AGMO: variants seen among roughly 807,000 people sequenced by gnomAD.
The protein encoded by AGMO is alkylglycerol monooxygenase.
Under a neutral mutation model 60.2 loss-of-function variants are expected in AGMO, and 75 were observed. The ratio of observed to expected loss-of-function variants is 1.25; its 90% CI spans 1.03 to 1.51. The LOEUF is 1.51. AGMO is among the 40% of genes most tolerant of loss of function. The pLI is 0.00. For synonymous variants in AGMO, 261 were observed against 177.1 expected, an observed-to-expected ratio of 1.47 and a Z score of -3.76; for missense variants, 763 against 525.5, an observed-to-expected ratio of 1.45 and a Z score of -4.42.
intron 3 of AGMO, among the ~76,000 whole-genome samples, chr7:15,440,173 A>T (rs972339253): frequency 2.0e-5 from 3 of 152,172 alleles, no homozygotes; most frequent in Non-Finnish European, 1.5e-5. Context: ...CTTATGTCCA[A>T]TAAGTACCAG....
chr7:15,345,297 G>A (rs1291245444), intron 12 of AGMO, among the ~76,000 whole-genome samples: 2 of 152,106 alleles, frequency 1.3e-5, no homozygotes, highest in Admixed American at 6.6e-5. Context: ...CCAGCCATAA[G>A]GAACGATTTT....
chr7:15,316,135 GT>G (rs1189333815), intron 12 of AGMO, among the ~76,000 whole-genome samples: 1 of 152,146 alleles, frequency 6.6e-6, no homozygotes, highest in East Asian at 1.9e-4. Flanking sequence ...CCCAACACTT[GT>G]GCCCATTGCA....
chr7:15,336,784 TAA>T (rs373210491), intron 12 of AGMO, among the ~76,000 whole-genome samples: 5,337 of 152,284 alleles, frequency 0.035, 102 homozygotes, highest in Admixed American at 0.05. Flanking sequence ...TTACATGATT[TAA>T]AAAAGCATTT....
chr7:15,138,313 A>G, the AGMO span, among the ~76,000 whole-genome samples: 2 of 152,200 alleles, frequency 1.3e-5, no homozygotes, highest in Non-Finnish European at 2.9e-5. Context: ...GGCGAGGTAC[A>G]TTTTGTATAC....
At chr7:15,268,410 G>C (rs1380485405) in intron 12 of AGMO, among the ~76,000 whole-genome samples, 2 of 151,912 alleles carry the variant, frequency 1.3e-5, no homozygotes, top group African/African-American at 4.8e-5. Flanking sequence ...AATCCTTTTG[G>C]AGTCTGTGCA....
At chr7:15,240,032 C>T (rs943063662) in intron 12 of AGMO, among the ~76,000 whole-genome samples, 6 of 152,104 alleles carry the variant, frequency 3.9e-5, no homozygotes, top group African/African-American at 1.4e-4. Context: ...TCTGCTGCAA[C>T]TCATTACGAA....
chr7:15,548,431 G>A (rs1307507687), intron 2 of AGMO, among the ~76,000 whole-genome samples: 15 of 151,700 alleles, frequency 9.9e-5, no homozygotes, highest in Non-Finnish European at 2.1e-4. Context: ...AAATTTAGAA[G>A]AATGTATAAC....
chr7:15,484,176 G>A (rs1262599393), intron 3 of AGMO, among the ~76,000 whole-genome samples: 3 of 151,944 alleles, frequency 2.0e-5, no homozygotes, highest in Non-Finnish European at 2.9e-5. Flanking sequence ...CCTTGAAGAT[G>A]GCTTAAAAGA....
intron 3 of AGMO, among the ~76,000 whole-genome samples, chr7:15,480,954 T>C (rs1290648315): frequency 6.6e-6 from 1 of 152,080 alleles, no homozygotes; most frequent in African/African-American, 2.4e-5. Context: ...ATTAATTATG[T>C]TCAAGCATAA....
intron 5 of AGMO, among the ~76,000 whole-genome samples, chr7:15,404,791 G>T (rs1784642894): frequency 6.6e-6 from 1 of 151,786 alleles, no homozygotes; most frequent in Non-Finnish European, 1.5e-5. Context: ...CTACTGCTTA[G>T]TCAACAAATA....
At chr7:15,257,347 A>G (rs982385393) in intron 12 of AGMO, among the ~76,000 whole-genome samples, 3 of 152,152 alleles carry the variant, frequency 2.0e-5, no homozygotes, top group Non-Finnish European at 4.4e-5. Flanking sequence ...TTAATATTAT[A>G]ATGATTTAAT....
chr7:15,467,524 A>G (rs998264920), intron 3 of AGMO, among the ~76,000 whole-genome samples: 1 of 152,214 alleles, frequency 6.6e-6, no homozygotes, highest in African/African-American at 2.4e-5. Context: ...AATCAAAAGC[A>G]TTTTAAATAC....
chr7:15,364,769 C>G (rs541413595), intron 12 of AGMO, among the ~76,000 whole-genome samples: 6 of 152,096 alleles, frequency 3.9e-5, no homozygotes, highest in South Asian at 2.1e-4. Context: ...GGGTTTTTCA[C>G]TGATGCTAAG....
intron 12 of AGMO, among the ~76,000 whole-genome samples, chr7:15,203,147 A>C (rs1274367306): frequency 2.6e-5 from 4 of 152,100 alleles, no homozygotes; most frequent in Non-Finnish European, 4.4e-5. Flanking sequence ...AAACCTCATA[A>C]GTTGTATATA....
the AGMO span, among the ~76,000 whole-genome samples, chr7:15,149,762 G>T: frequency 6.6e-6 from 1 of 151,998 alleles, no homozygotes; most frequent in South Asian, 2.1e-4. Flanking sequence ...CTCCAGCTTT[G>T]TTCTTTTTGC....
At chr7:15,419,141 G>T (rs1423348429) in intron 4 of AGMO, among the ~76,000 whole-genome samples, 2 of 151,694 alleles carry the variant, frequency 1.3e-5, no homozygotes, top group East Asian at 3.9e-4. Flanking sequence ...TTTTAACTTG[G>T]TTTTTGTATG....
chr7:15,537,270 C>A (rs897462235), intron 3 of AGMO, among the ~76,000 whole-genome samples: 1 of 151,960 alleles, frequency 6.6e-6, no homozygotes, highest in South Asian at 2.1e-4. Context: ...GAGTAAAATA[C>A]GTAAAATCTA....
chr7:15,558,710 C>T (rs982705190), intron 2 of AGMO, among the ~76,000 whole-genome samples: 2 of 152,020 alleles, frequency 1.3e-5, no homozygotes, highest in African/African-American at 2.4e-5. Context: ...TACTATATAC[C>T]TAATAATGCA....
At chr7:15,450,813 A>C (rs549404740) in intron 3 of AGMO, among the ~76,000 whole-genome samples, 14 of 152,278 alleles carry the variant, frequency 9.2e-5, no homozygotes, top group South Asian at 2.1e-4. Flanking sequence ...TCCTTTAATA[A>C]AACCAACTCA....
Sources: allele counts gnomAD v4.1 joint callset (sites outside exome capture counted in the v4.1 genomes callset), GRCh38; gene constraint gnomAD v4.1.1; transcripts MANE v1.5; gene names NCBI Gene and HGNC (gene_info 2026-07-23, HGNC 2026-07-21).